Variants in PMPCA observed in about 807,000 individuals in gnomAD.
PMPCA encodes peptidase, mitochondrial processing subunit alpha.
PMPCA carries 47 observed loss-of-function variants against 59.3 expected under a neutral mutation model. The ratio of observed to expected loss-of-function variants is 0.79; its 90% CI spans 0.63 to 1.01. The LOEUF (loss-of-function observed/expected upper bound fraction) is 1.01. PMPCA is among the 50% of genes least tolerant of loss of function. The pLI, the probability that PMPCA is intolerant of heterozygous loss-of-function variation, is 0.00. For synonymous variants in PMPCA, 338 were observed against 290.3 expected, an observed-to-expected ratio of 1.16 and a Z score of -1.67; for missense variants, 726 against 704.5, an observed-to-expected ratio of 1.03 and a Z score of -0.34.
chr9:136,412,948 G>T lies in PMPCA; in HGVS notation c.437+56G>T, dbSNP rs1314499122. ...TGGGTCCTTGGGAACTGACGTTCTT[G>T]TCGTTGCTCAGATTCCCTCTGAGCC... On this transcript the variant is annotated intron_variant, in intron 4 of 12. Transcript: ENST00000371717. The T allele has an allele frequency of 4.8e-6, 5 of 1,031,260 alleles. No individual in the cohort carries two copies. In the East Asian group the frequency reaches 1.2e-4, roughly 24 times the overall value. 63.9% of individuals were successfully genotyped at this position (1,031,260 alleles called of 1,614,324 possible).
intron 11 of PMPCA, chr9:136,420,092 A>G (rs965855354): frequency 5.0e-5 from 7 of 139,616 alleles, no homozygotes; most frequent in Admixed American, 1.4e-4. Flanking sequence ...TGATTCTCCT[A>G]CCTTAGCCTC....
Position 136,410,705 on chromosome 9 carries a change from C to G in PMPCA, c.37C>G (p.Arg13Gly). Residue 13 changes from arginine (R) to glycine (G), a missense_variant, in exon 1 of 13, where the codon CGG (arginine) becomes GGG (glycine). By Grantham distance (125) the Arg-to-Gly change is moderately radical. Transcript: ENST00000371717. Reference sequence around the variant, plus strand: ...GGTGCTGGCGGCGACGCGGTTGCTGCGGGGCTCGGGTTCTTGGGGCTGTTC... The same window carrying G: ...GGTGCTGGCGGCGACGCGGTTGCTGGGGGGCTCGGGTTCTTGGGGCTGTTC... The part of the protein sequence containing the change: ...AVVLAATRLL[R>G]GSGSWGCSRL... 9.2e-6 allele frequency: 13 copies of G among 1,417,296 alleles called. No homozygotes were observed. Among genetic ancestry groups the G allele is most frequent in the Non-Finnish European group, 1.2e-5 (13 of 1,087,980 alleles). 87.8% of individuals were successfully genotyped at this position (1,417,296 alleles called of 1,614,324 possible). A position where few individuals can be genotyped will look rare whatever the true frequency, so the allele number is the denominator to read the frequency against.
At chr9:136,411,884 A>G in intron 1 of PMPCA, 113 bp from the exon 2 acceptor site, 1 of 701,630 alleles carries the variant, frequency 1.4e-6, no homozygotes. Context: ...AGTCCTGTAG[A>G]AAGGCAGATG....
At chr9:136,422,943 C>G (rs529226272) in intron 12 of PMPCA, 152 bp from the exon 13 acceptor site, 2 of 1,443,156 alleles carry the variant, frequency 1.4e-6, no homozygotes, top group East Asian at 5.0e-5. Context: ...TTGGCTACAC[C>G]CAGTGGCTGC....
intron 1 of PMPCA, 37 bp from the exon 2 acceptor site, chr9:136,411,960 C>A: frequency 7.6e-7 from 1 of 1,322,934 alleles, no homozygotes; most frequent in Non-Finnish European, 1.1e-6. Context: ...TTTGTTGTCT[C>A]AAGCCTGTTG....
At chr9:136,413,826 C>T (rs576193627) in intron 4 of PMPCA, among the ~76,000 whole-genome samples, 1 of 152,354 alleles carries the variant, frequency 6.6e-6, no homozygotes, top group East Asian at 1.9e-4. Flanking sequence ...AATGGCTCCT[C>T]TTCAGGGTGA....
chr9:136,410,974 TCCCGG>T, intron 1 of PMPCA: 1 of 392,854 alleles, frequency 2.5e-6, no homozygotes, highest in Non-Finnish European at 4.5e-6. Context: ...CCCCCTCACT[TCCCGG>T]GTCGACGGGC....
intron 3 of PMPCA, 119 bp from the exon 4 acceptor site, chr9:136,412,689 CTT>C (rs1193086027): frequency 3.7e-6 from 3 of 803,928 alleles, no homozygotes; most frequent in Middle Eastern, 2.4e-4. Flanking sequence ...TAATAAAAGA[CTT>C]TTAAGTTAAA....
intron 1 of PMPCA, among the ~76,000 whole-genome samples, chr9:136,410,953 G>A (rs1490224983): frequency 1.3e-5 from 2 of 152,228 alleles, no homozygotes; most frequent in African/African-American, 4.8e-5. Context: ...CCCGGCTGCT[G>A]GGTCCTCTCC....
rs982081111 is a variant in PMPCA at position 136,417,205 on chromosome 9, G to A, written c.888G>A (p.Gly296=). Residue 296 remains glycine, a synonymous_variant, in exon 7 of 13, where the codon GGG becomes GGA. Transcript: ENST00000371717. ...IDRSVAQYTG[G]IAKLERDMSN... is the part of the protein sequence containing the mutation. ...GATCTGTGGCCCAGTACACTGGGGG[G>A]ATTGCCAAGGTGAAGTAGCGGGAAC... 1.3e-6 allele frequency: 2 copies of A among 1,574,750 alleles called. No individual in the cohort carries two copies. The highest frequency in any genetic ancestry group is 1.8e-5 in the Admixed American group (1 of 56,856).
At chr9:136,412,220 G>C in intron 2 of PMPCA, 21 bp downstream of exon 2, 3 of 1,566,420 alleles carry the variant, frequency 1.9e-6, no homozygotes, top group Non-Finnish European at 1.8e-6. Context: ...TTGTGTTGTC[G>C]TGGGTGGTCC....
At position 136,416,441 on chromosome 9, in the gene PMPCA, G is replaced by A. The variant is rs375132768; in HGVS notation, c.633+50G>A. 19 of 1,252,398 alleles carry A rather than the reference G, an allele frequency of 1.5e-5. No individual in the cohort carries two copies. The African/African-American group carries it at 2.1e-4, about 14-fold the overall frequency. 77.6% of individuals were successfully genotyped at this position (1,252,398 alleles called of 1,614,324 possible). A position where few individuals can be genotyped will look rare whatever the true frequency, so the allele number is the denominator to read the frequency against. On this transcript the variant is annotated intron_variant, in intron 6 of 12. Coordinates refer to ENST00000371717, the MANE Select transcript of PMPCA (RefSeq NM_015160.3). The stretch of plus-strand genomic sequence containing the variant: ...CCCCGCATCTCGAACAGTGGTCCTC[G>A]GGACACCAGGGGTGGTGGGGAGGGT...
At chr9:136,422,190 T>A in intron 12 of PMPCA, 1 of 1,508,074 alleles carries the variant, frequency 6.6e-7, no homozygotes, top group South Asian at 1.2e-5. Context: ...ATGCACCTGC[T>A]GCCTCCTTGG....
rs1835465528 is a variant in PMPCA at position 136,421,972 on chromosome 9, C to T, written c.1404C>T (p.Leu468=). 1.9e-6 allele frequency: 3 copies of T among 1,610,032 alleles called. No individual in the cohort carries two copies. The highest frequency in any genetic ancestry group is 1.3e-5 in the African/African-American group (1 of 74,888). Residue 468 remains leucine (L), a synonymous_variant, in exon 12 of 13, where the codon CTC becomes CTT. Coordinates refer to ENST00000371717, the MANE Select transcript of PMPCA (RefSeq NM_015160.3). ...AGCTGCCGCACGAGCTGTGCACGCT[C>T]ATCCGTGAGTACCGCAGGGGTAGTG... The part of the protein sequence containing the change: ...SRKLPHELCT[L]IRNVKPEDVK...
At position 136,418,920 on chromosome 9, in the gene PMPCA, T is replaced by C. The variant is rs760544681; in HGVS notation, c.1200+2T>C. ...CATGCCAGCGCCGACCCAAGACAGG[T>C]GAGGGCCCCGCCTGCCACCGTCCTC... On this transcript the variant is annotated splice_donor_variant, in intron 10 of 12. Transcript: ENST00000371717. LOFTEE classifies it high-confidence loss of function. The C allele has an allele frequency of 1.2e-6, 2 of 1,613,138 alleles. No homozygotes were observed. Among genetic ancestry groups the C allele is most frequent in the South Asian group, 2.2e-5 (2 of 91,056 alleles).
chr9:136,412,233 C>T, intron 2 of PMPCA, 34 bp downstream of exon 2: 1 of 1,423,776 alleles, frequency 7.0e-7, no homozygotes. Flanking sequence ...GGTGGTCCCG[C>T]AGTTTTAACA....
intron 7 of PMPCA, among the ~76,000 whole-genome samples, chr9:136,417,693 A>T (rs1226904514): frequency 1.3e-5 from 2 of 151,778 alleles, no homozygotes; most frequent in East Asian, 3.9e-4. Flanking sequence ...TGACCTCATG[A>T]TCTACCTGCC....
Position 136,414,549 on chromosome 9 carries a change from C to A in PMPCA, c.438-4C>A. ...TGGCATTATGGGCTTGTGTTTTCTT[C>A]CAGAGACACCACCATGTATGCTGTG... On this transcript the variant is annotated splice_polypyrimidine_tract_variant and splice_region_variant and intron_variant, in intron 4 of 12. Transcript: ENST00000371717. 1 of 1,601,642 alleles carries A rather than the reference C, an allele frequency of 6.2e-7. No homozygotes were observed. Among genetic ancestry groups the A allele is most frequent in the Non-Finnish European group, 8.6e-7 (1 of 1,168,820 alleles).
rs374087056 is a variant in PMPCA at position 136,417,964 on chromosome 9, C to T, written c.898-53C>T. On this transcript the variant is annotated intron_variant, in intron 7 of 12. Coordinates refer to ENST00000371717, the MANE Select transcript of PMPCA (RefSeq NM_015160.3). ...TGAAGATGATCTCATCTGGGGTTTG[C>T]GAGCCCTCATTGTTTTTCACATGGC... 6.0e-5 allele frequency: 77 copies of T among 1,276,098 alleles called. 1 individual carries two copies. In the African/African-American group the frequency reaches 8.8e-4, roughly 15 times the overall value. 79.0% of individuals were successfully genotyped at this position (1,276,098 alleles called of 1,614,324 possible).
Sources: gnomAD v4.1 joint callset for allele counts (sites outside exome capture counted in the v4.1 genomes callset) on GRCh38, gnomAD v4.1.1 for gene constraint, MANE v1.5 for transcripts, NCBI Gene and HGNC (gene_info 2026-07-23, HGNC 2026-07-21) for gene names.